ASIC4: variants seen among roughly 807,000 people sequenced by gnomAD.
ASIC4 encodes acid-sensing ion channel 4.
ASIC4 carries 28 observed loss-of-function variants against 53.4 expected under a neutral mutation model. The ratio of observed to expected loss-of-function variants is 0.52; its 90% CI spans 0.39 to 0.72. The LOEUF is 0.72. ASIC4 is among the 30% of genes least tolerant of loss of function. ASIC4 has a pLI of 0.00. For missense variants in ASIC4, 649 were observed against 729.7 expected (o/e 0.89, Z 1.27); for synonymous variants, 289 against 301.4 (o/e 0.96, Z 0.43).
rs3731909 is a variant in ASIC4, at chr2:219,514,838, C to G, written c.114C>G (p.Ala38=). ...TCGGGGCTGTTGCCCCTGGAGCAGC[C>G]CCCCGAGACCTGGCCACCTTTGCCA... is the stretch of plus-strand genomic sequence containing the variant. ...SLLGAVAPGA[A]PRDLATFAST... Residue 38 remains alanine, a synonymous_variant, in exon 1 of 10, where the codon GCC becomes GCG. Transcript: ENST00000358078. The G allele has an allele frequency of 0.61, 987,699 of 1,612,844 alleles. 309,171 individuals carry two copies. Among genetic ancestry groups the G allele is most frequent in the East Asian group, 0.73 (32,879 of 44,784 alleles).
At chr2:219,507,989 C>T in the ASIC4 span, among the ~76,000 whole-genome samples, 1 of 152,100 alleles carries the variant, frequency 6.6e-6, no homozygotes, top group Non-Finnish European at 1.5e-5. Flanking sequence ...ACCTCCCAGG[C>T]CCCTCAGGTC....
rs1368186054 is a variant in ASIC4 at position 219,537,670 on chromosome 2, C to G, written c.1440C>G (p.Pro480=). The change falls in exon 9 of 10, where the codon CCC becomes CCG. Residue 480 remains proline, a synonymous_variant. Coordinates refer to ENST00000358078, the MANE Select transcript of ASIC4 (RefSeq NM_018674.6). This position sits in a 1 kb window ranked among gnomAD's most constrained non-coding sequence, Gnocchi z 4.9. ...WDRLKRVWRR[P]KTPLRTSTGG... ...GACTGAAGCGGGTATGGAGGCGTCC[C>G]AAGACCCCCCTGCGGACCTCCACTG... 8.1e-6 allele frequency: 13 copies of G among 1,614,052 alleles called. No individual in the cohort carries two copies. Among genetic ancestry groups the G allele is most frequent in the Non-Finnish European group, 1.0e-5 (12 of 1,179,960 alleles).
rs1306824527 is a variant in ASIC4 at position 219,516,582 on chromosome 2, C to T, written c.582+1276C>T. 2 of 152,318 alleles carry T rather than the reference C, an allele frequency of 1.3e-5. No individual in the cohort carries two copies. The highest frequency in any genetic ancestry group is 2.4e-5 in the African/African-American group (1 of 41,412). The allele number at this position is 152,318 out of a possible 1,614,324, so 9.4% of individuals were successfully genotyped here. A position where few individuals can be genotyped will look rare whatever the true frequency, so the allele number is the denominator to read the frequency against. On this transcript the variant is annotated intron_variant, in intron 1 of 9. Transcript: ENST00000358078. This position sits in a 1 kb window ranked among gnomAD's most constrained non-coding sequence, Gnocchi z 4.9. Reference sequence around the variant, plus strand: ...TGTGCATGCGTGTATGTTTCATCCTCGTTGCCACTGCCCAGTGCATATGCA... The same window carrying T: ...TGTGCATGCGTGTATGTTTCATCCTTGTTGCCACTGCCCAGTGCATATGCA...
chr2:219,536,941 C>T lies in ASIC4; in HGVS notation c.1230-125C>T, dbSNP rs72969461. ...CCTCCCCTCACAGCCTTGGGGAGTC[C>T]GGGGGGTAGTCACTGACTTCCCCAT... On this transcript the variant is annotated intron_variant, in intron 6 of 9. Transcript: ENST00000358078. The surrounding 1 kb of genome is among the most constrained non-coding windows in gnomAD (Gnocchi z 4.6). 87,600 of 788,664 alleles carry T rather than the reference C, an allele frequency of 0.11. 5,470 individuals carry two copies. The highest frequency in any genetic ancestry group is 0.14 in the Admixed American group (6,263 of 43,354). 48.9% of individuals were successfully genotyped at this position (788,664 alleles called of 1,614,324 possible).
chr2:219,515,289 G>A lies in ASIC4; in HGVS notation c.565G>A (p.Ala189Thr), dbSNP rs377656472. The change falls in exon 1 of 10, where the codon GCC becomes ACC. Residue 189 changes from alanine (A) to threonine (T), a missense_variant. By Grantham distance (58) the Ala-to-Thr change is moderately conservative. Transcript: ENST00000358078. Reference protein sequence around the residue: ...SCNFSGHHCSASNFSVVYTRY... With the variant: ...SCNFSGHHCSTSNFSVVYTRY... ...CAACTTCAGTGGGCATCACTGCTCCGCCAGCAACTTCTCTGTGGTGAGTTC... is the reference window on the plus strand; with the variant it reads ...CAACTTCAGTGGGCATCACTGCTCCACCAGCAACTTCTCTGTGGTGAGTTC... The A allele has an allele frequency of 4.3e-6, 7 of 1,610,280 alleles. No homozygotes were observed. The highest frequency in any genetic ancestry group is 1.3e-5 in the African/African-American group (1 of 74,888).
At position 219,538,295 on chromosome 2, in the gene ASIC4, A is replaced by AAGGG. The variant is rs997666381; in HGVS notation, c.*251_*254dup. 1 of 425,270 alleles carries AAGGG rather than the reference A, an allele frequency of 2.4e-6. No homozygotes were observed. The highest frequency in any genetic ancestry group is 6.7e-4 in the Middle Eastern group (1 of 1,484). 26.3% of individuals were successfully genotyped at this position (425,270 alleles called of 1,614,324 possible). A position where few individuals can be genotyped will look rare whatever the true frequency, so the allele number is the denominator to read the frequency against. ...CAGGCCATGGGCCCTCACGGAGAGGAAGGGAAGGAAGGAGAGGGAGGGGGA... is the reference window on the plus strand; with the variant it reads ...CAGGCCATGGGCCCTCACGGAGAGGAAGGGAGGGAAGGAAGGAGAGGGAGGGGGA... On this transcript the variant is annotated 3_prime_UTR_variant, in exon 10 of 10. Transcript: ENST00000358078.
At position 219,537,678 on chromosome 2, in the gene ASIC4, C is replaced by T. The variant is rs780339449; in HGVS notation, c.1448C>T (p.Pro483Leu). The change falls in exon 9 of 10, where the codon CCC becomes CTC. Residue 483 changes from proline (P) to leucine (L), a missense_variant. By Grantham distance (98) the Pro-to-Leu change is moderately conservative (BLOSUM62 -3). Transcript: ENST00000358078. This position sits in a 1 kb window ranked among gnomAD's most constrained non-coding sequence, Gnocchi z 4.9. ...LKRVWRRPKT[P>L]LRTSTGGIST... The stretch of plus-strand genomic sequence containing the variant: ...CGGGTATGGAGGCGTCCCAAGACCC[C>T]CCTGCGGACCTCCACTGGGGGCATC... 4 of 1,614,076 alleles carry T rather than the reference C, an allele frequency of 2.5e-6. No individual in the cohort carries two copies.
In ASIC4 at chr2:219,536,293, C is replaced by T. The variant is rs962019403; in HGVS notation, c.1230-773C>T. Among the ~76,000 whole-genome samples, 22 of 152,226 alleles carry T rather than the reference C, an allele frequency of 1.4e-4. No individual in the cohort carries two copies. Among genetic ancestry groups the T allele is most frequent in the Non-Finnish European group, 1.3e-4 (9 of 68,034 alleles). On this transcript the variant is annotated intron_variant, in intron 6 of 9. Transcript: ENST00000358078. This position sits in a 1 kb window ranked among gnomAD's most constrained non-coding sequence, Gnocchi z 4.6. ...GACAGGATGAGACAGGAGAGGAACA[C>T]AGTACCCTGCAGGGGGAGGCAGGAG... is the stretch of plus-strand genomic sequence containing the variant.
intron 1 of ASIC4, among the ~76,000 whole-genome samples, chr2:219,531,217 T>A (rs909765424): frequency 3.0e-4 from 41 of 138,668 alleles, no homozygotes; most frequent in Non-Finnish European, 4.1e-4. Context: ...AAAAAAAAAA[T>A]TAGCTGGGCT....
In ASIC4 at chr2:219,518,384, G is replaced by A. The variant is rs1166577134; in HGVS notation, c.582+3078G>A. On this transcript the variant is annotated intron_variant, in intron 1 of 9. Transcript: ENST00000358078. The surrounding 1 kb of genome is among the most constrained non-coding windows in gnomAD (Gnocchi z 4.8). ...CATTCTGGGTGGAGGAGAGCTGGGA[G>A]GGCCTAGGGGATGAGGCAGGCTGGG... 2.0e-5 allele frequency among the ~76,000 whole-genome samples: 3 copies of A among 152,168 alleles called. No homozygotes were observed. Among genetic ancestry groups the A allele is most frequent in the Admixed American group, 6.5e-5 (1 of 15,274 alleles).
chr2:219,514,415 C>G (rs940417683), upstream of ASIC4: 1 of 1,549,268 alleles, frequency 6.5e-7, no homozygotes. Context: ...CTCGCTCGCT[C>G]GCAGGGACAC....
chr2:219,535,508 GTC>G (rs1444134311), intron 6 of ASIC4, among the ~76,000 whole-genome samples, 184 bp downstream of exon 6: 1 of 151,534 alleles, frequency 6.6e-6, no homozygotes, highest in African/African-American at 2.4e-5. Context: ...GTGTGTGTGT[GTC>G]TGTGTGGGGG....
intron 1 of ASIC4, among the ~76,000 whole-genome samples, chr2:219,530,188 G>C (rs554002333): frequency 6.6e-6 from 1 of 152,214 alleles, no homozygotes; most frequent in Non-Finnish European, 1.5e-5. Flanking sequence ...GCCTGTGATG[G>C]GTTTGACCCA....
rs1041768375 is a variant in ASIC4, at chr2:219,538,256, G to A, written c.*210G>A. 4 of 580,544 alleles carry A rather than the reference G, an allele frequency of 6.9e-6. No individual in the cohort carries two copies. The highest frequency in any genetic ancestry group is 9.2e-6 in the Non-Finnish European group (3 of 326,946). The allele number at this position is 580,544 out of a possible 1,614,324, so 36.0% of individuals were successfully genotyped here. A position where few individuals can be genotyped will look rare whatever the true frequency, so the allele number is the denominator to read the frequency against. Reference sequence around the variant, plus strand: ...CCCTTATCCCCAGGCTGGTGCCCCGGGAGGGCTGGAGACCAGGCCATGGGC... The same window carrying A: ...CCCTTATCCCCAGGCTGGTGCCCCGAGAGGGCTGGAGACCAGGCCATGGGC... On this transcript the variant is annotated 3_prime_UTR_variant, in exon 10 of 10. Coordinates refer to ENST00000358078, the MANE Select transcript of ASIC4 (RefSeq NM_018674.6).
chr2:219,517,637 G>C lies in ASIC4; in HGVS notation c.582+2331G>C, dbSNP rs1694815897. 6.6e-6 allele frequency among the ~76,000 whole-genome samples: 1 copy of C among 152,142 alleles called. No homozygotes were observed. Among genetic ancestry groups the C allele is most frequent in the African/African-American group, 2.4e-5 (1 of 41,416 alleles). The stretch of plus-strand genomic sequence containing the variant: ...TGATCCATGGTAGTGGGGAAGATGG[G>C]GTGTATTACAGGGGAAAGACTGGAG... On this transcript the variant is annotated intron_variant, in intron 1 of 9. Transcript: ENST00000358078. The surrounding 1 kb of genome is among the most constrained non-coding windows in gnomAD (Gnocchi z 4.2).
upstream of ASIC4, among the ~76,000 whole-genome samples, chr2:219,512,926 G>T (rs1694719906): frequency 6.6e-6 from 1 of 152,218 alleles, no homozygotes; most frequent in Non-Finnish European, 1.5e-5. Flanking sequence ...ACCCTGATGG[G>T]GCCTGACCTG....
In ASIC4 at chr2:219,532,405, T is replaced by A. The variant is rs1695057467; in HGVS notation, c.946T>A (p.Ser316Thr). Residue 316 changes from serine to threonine, a missense_variant, in exon 4 of 10, where the codon TCT (serine) becomes ACT (threonine). Ser to Thr is a moderately conservative substitution (Grantham distance 58). Coordinates refer to ENST00000358078, the MANE Select transcript of ASIC4 (RefSeq NM_018674.6). ...ELQGYSAYSV[S>T]ACRLRCEKEA... ...TCAGGGCTACTCGGCCTACAGTGTG[T>A]CTGCCTGCCGGCTGCGCTGTGAAAA... is the stretch of plus-strand genomic sequence containing the variant. 6.2e-7 allele frequency: 1 copy of A among 1,614,076 alleles called. No individual in the cohort carries two copies. Among genetic ancestry groups the A allele is most frequent in the Non-Finnish European group, 8.5e-7 (1 of 1,179,968 alleles).
At chr2:219,523,651 C>T (rs1332066650) in intron 1 of ASIC4, among the ~76,000 whole-genome samples, 1 of 152,192 alleles carries the variant, frequency 6.6e-6, no homozygotes, top group Non-Finnish European at 1.5e-5. Context: ...AGAAGTTTTT[C>T]CTGACCCTGC....
At chr2:219,535,350 G>A (rs1559120361) in intron 6 of ASIC4, 26 bp downstream of exon 6, 3 of 1,561,622 alleles carry the variant, frequency 1.9e-6, no homozygotes, top group Non-Finnish European at 2.6e-6. Flanking sequence ...TGTGGGGGGT[G>A]GCTGTGTGAC....
Sources: allele counts gnomAD v4.1 joint callset (sites outside exome capture counted in the v4.1 genomes callset), GRCh38; gene constraint gnomAD v4.1.1; non-coding constraint Gnocchi (gnomAD v3.1); transcripts MANE v1.5; gene names NCBI Gene and HGNC (gene_info 2026-07-23, HGNC 2026-07-21).